Variants in MPP7 observed in about 807,000 individuals in gnomAD.
MPP7 encodes the protein MAGUK p55 subfamily member 7.
MPP7 carries 60 observed loss-of-function variants against 76.5 expected under a neutral mutation model. The ratio of observed to expected loss-of-function variants is 0.78; its 90% CI spans 0.64 to 0.97. The LOEUF is 0.97. Ranked by LOEUF, MPP7 falls within the 50% of genes least tolerant of loss-of-function variation. MPP7 has a pLI of 0.00. For synonymous variants in MPP7, 237 were observed against 244.5 expected (o/e 0.97, Z 0.29); for missense variants, 641 against 694.0 (o/e 0.92, Z 0.86).
intron 16 of MPP7, among the ~76,000 whole-genome samples, chr10:28,055,282 T>C (rs1851511888): frequency 6.6e-6 from 1 of 152,168 alleles, no homozygotes. Context: ...ACTAACATTG[T>C]ATGACAGTAC....
chr10:28,231,766 C>T (rs1838892521), intron 2 of MPP7, among the ~76,000 whole-genome samples: 1 of 152,032 alleles, frequency 6.6e-6, no homozygotes, highest in Non-Finnish European at 1.5e-5. Context: ...AGAAAATTCC[C>T]AGGCACAGGT....
At chr10:28,142,004 A>G (rs1275140877) in intron 5 of MPP7, among the ~76,000 whole-genome samples, 1 of 152,180 alleles carries the variant, frequency 6.6e-6, no homozygotes, top group African/African-American at 2.4e-5. Flanking sequence ...CACATCTTAT[A>G]CCATACACCA....
At chr10:28,251,461 C>CA (rs1049406176) in intron 1 of MPP7, among the ~76,000 whole-genome samples, 2 of 149,392 alleles carry the variant, frequency 1.3e-5, no homozygotes, top group African/African-American at 2.5e-5. Flanking sequence ...GGCCCTGTCT[C>CA]AAAAAAAAAT....
intron 2 of MPP7, among the ~76,000 whole-genome samples, chr10:28,328,330 T>C (rs558573885): frequency 2.6e-5 from 4 of 152,342 alleles, no homozygotes; most frequent in African/African-American, 9.6e-5. Flanking sequence ...TTAACTCTAG[T>C]ATTCCCTCCT....
chr10:28,212,465 A>C (rs1298138795), intron 2 of MPP7, among the ~76,000 whole-genome samples: 1 of 152,240 alleles, frequency 6.6e-6, no homozygotes, highest in East Asian at 1.9e-4. Flanking sequence ...TGTCGATTGG[A>C]TACCAGTGGA....
chr10:28,209,362 G>C (rs970951531), intron 2 of MPP7, among the ~76,000 whole-genome samples: 2 of 151,916 alleles, frequency 1.3e-5, no homozygotes, highest in Non-Finnish European at 1.5e-5. Flanking sequence ...CCAGCTACTT[G>C]GGAGGCTGAG....
chr10:28,267,560 A>G (rs1359327110), intron 1 of MPP7, among the ~76,000 whole-genome samples: 3 of 152,188 alleles, frequency 2.0e-5, no homozygotes, highest in Non-Finnish European at 4.4e-5. Flanking sequence ...TGGTCACTAG[A>G]GCATTACAGA....
chr10:28,206,983 C>T (rs994407166), intron 2 of MPP7, among the ~76,000 whole-genome samples: 2 of 152,104 alleles, frequency 1.3e-5, no homozygotes, highest in African/African-American at 4.8e-5. Context: ...CAGGTGGCCT[C>T]TAAAACCATA....
chr10:28,203,239 T>C (rs1417248283), intron 2 of MPP7: 1 of 152,198 alleles, frequency 6.6e-6, no homozygotes, highest in African/African-American at 2.4e-5. Flanking sequence ...GTTGTTATTT[T>C]TGGTCTGAAT....
At chr10:28,183,541 C>A (rs966942423) in intron 3 of MPP7, among the ~76,000 whole-genome samples, 1 of 152,176 alleles carries the variant, frequency 6.6e-6, no homozygotes, top group Non-Finnish European at 1.5e-5. Flanking sequence ...GTAATCCCAA[C>A]ACTTTGGGAA....
intron 6 of MPP7, among the ~76,000 whole-genome samples, chr10:28,129,214 GA>G (rs1280415197): frequency 9.9e-5 from 15 of 152,132 alleles, no homozygotes; most frequent in African/African-American, 3.6e-4. Context: ...CATTACACGT[GA>G]TACTGTACAA....
At chr10:28,231,613 C>T (rs1184992320) in intron 2 of MPP7, among the ~76,000 whole-genome samples, 1 of 150,332 alleles carries the variant, frequency 6.7e-6, no homozygotes, top group Admixed American at 6.6e-5. Flanking sequence ...ATAATTCTTT[C>T]CCAACAAATT....
intron 1 of MPP7, among the ~76,000 whole-genome samples, chr10:28,245,681 G>A (rs1429488763): frequency 6.6e-6 from 1 of 151,420 alleles, no homozygotes; most frequent in Non-Finnish European, 1.5e-5. Context: ...TCAAGACAGA[G>A]TTCCGCTCTT....
At chr10:28,115,796 G>A (rs1322217858) in intron 11 of MPP7, among the ~76,000 whole-genome samples, 2 of 152,138 alleles carry the variant, frequency 1.3e-5, no homozygotes, top group East Asian at 3.8e-4. Flanking sequence ...TTGCTTAAAT[G>A]GATACCCTTT....
chr10:28,322,821 A>T (rs10826451), intron 2 of MPP7, among the ~76,000 whole-genome samples: 46,035 of 152,076 alleles, frequency 0.3, 7,192 homozygotes, highest in East Asian at 0.43. Flanking sequence ...AGACCTGGTG[A>T]GATTGGGGTT....
chr10:28,116,871 T>C (rs1300190352), intron 11 of MPP7, among the ~76,000 whole-genome samples: 2 of 152,154 alleles, frequency 1.3e-5, no homozygotes, highest in Non-Finnish European at 2.9e-5. Flanking sequence ...GAATATGACT[T>C]GCACTTATGA....
At chr10:28,256,896 A>AC (rs1269349419) in intron 1 of MPP7, among the ~76,000 whole-genome samples, 22 of 152,220 alleles carry the variant, frequency 1.4e-4, no homozygotes, top group African/African-American at 4.8e-4. Context: ...CCCCATGCCC[A>AC]GTACAGAGAT....
intron 3 of MPP7, among the ~76,000 whole-genome samples, chr10:28,163,945 T>G: frequency 6.6e-6 from 1 of 151,378 alleles, no homozygotes. Context: ...GTATTATATT[T>G]CTATAAAAAC....
chr10:28,172,271 T>C (rs2133871340), intron 3 of MPP7, among the ~76,000 whole-genome samples: 1 of 152,340 alleles, frequency 6.6e-6, no homozygotes. Flanking sequence ...ACAAATACAT[T>C]GTTAAGTAAA....
Sources: gnomAD v4.1 joint callset for allele counts (sites outside exome capture counted in the v4.1 genomes callset) on GRCh38, gnomAD v4.1.1 for gene constraint, MANE v1.5 for transcripts, NCBI Gene and HGNC (gene_info 2026-07-23, HGNC 2026-07-21) for gene names.